Variants in PPARGC1B observed in about 807,000 individuals in gnomAD.
PPARGC1B encodes PPARG coactivator 1 beta.
PPARGC1B carries 34 observed loss-of-function variants against 101.6 expected under a neutral mutation model. The ratio of observed to expected loss-of-function variants is 0.33; its 90% CI spans 0.25 to 0.45. The LOEUF (loss-of-function observed/expected upper bound fraction) is 0.45. PPARGC1B is among the 20% of genes least tolerant of loss of function. The pLI is 1.00. For synonymous variants in PPARGC1B, 548 were observed against 539.3 expected (o/e 1.02, Z -0.22); for missense variants, 1,234 against 1,317.6 (o/e 0.94, Z 0.98).
chr5:149,842,207 A>G, intron 9 of PPARGC1B, 49 bp from the exon 10 acceptor site: 2 of 1,599,402 alleles, frequency 1.3e-6, no homozygotes. Context: ...GAGGGGCCCC[A>G]GGAAGCCAGG....
At chr5:149,816,060 A>G (rs1254582571) in intron 1 of PPARGC1B, among the ~76,000 whole-genome samples, 1 of 152,226 alleles carries the variant, frequency 6.6e-6, no homozygotes, top group Non-Finnish European at 1.5e-5. Flanking sequence ...CAGGACAAGA[A>G]GGCCTTAATT....
intron 1 of PPARGC1B, among the ~76,000 whole-genome samples, chr5:149,809,115 T>C (rs913793197): frequency 9.5e-5 from 8 of 84,158 alleles, no homozygotes; most frequent in Admixed American, 5.6e-4. Context: ...TATCTCCACC[T>C]TAGATAGATA....
intron 1 of PPARGC1B, among the ~76,000 whole-genome samples, chr5:149,775,237 TG>T (rs1756310788): frequency 6.6e-6 from 1 of 152,202 alleles, no homozygotes; most frequent in South Asian, 2.1e-4. Context: ...CACATTTTTC[TG>T]TGGATCTGGA....
chr5:149,771,989 C>G, intron 1 of PPARGC1B: 1 of 1,434,656 alleles, frequency 7.0e-7, no homozygotes, highest in Non-Finnish European at 9.2e-7. Context: ...GCTGTTATCC[C>G]AGACTTACAG....
At chr5:149,842,725 A>C (rs1759399935) in intron 10 of PPARGC1B, among the ~76,000 whole-genome samples, 2 of 152,228 alleles carry the variant, frequency 1.3e-5, no homozygotes, top group Non-Finnish European at 2.9e-5. Context: ...CAGAGCCAGA[A>C]CCGGAGCCCA....
chr5:149,824,609 T>C (rs781523264), intron 2 of PPARGC1B, among the ~76,000 whole-genome samples: 3 of 151,754 alleles, frequency 2.0e-5, no homozygotes, highest in Non-Finnish European at 4.4e-5. Flanking sequence ...ACCCCAAGAG[T>C]GGTCGCTGAG....
chr5:149,770,070 C>T (rs1561516421), intron 1 of PPARGC1B, among the ~76,000 whole-genome samples: 1 of 152,098 alleles, frequency 6.6e-6, no homozygotes, highest in Non-Finnish European at 1.5e-5. Flanking sequence ...TCCAGAGCCC[C>T]CTCACCTCTG....
At chr5:149,817,393 T>C (rs1758098187) in intron 1 of PPARGC1B, among the ~76,000 whole-genome samples, 1 of 152,146 alleles carries the variant, frequency 6.6e-6, no homozygotes, top group Non-Finnish European at 1.5e-5. Flanking sequence ...GGTTGAAGGA[T>C]TGCTTGAACT....
chr5:149,844,528 A>G (rs1286805988), intron 10 of PPARGC1B, among the ~76,000 whole-genome samples: 1 of 152,200 alleles, frequency 6.6e-6, no homozygotes, highest in African/African-American at 2.4e-5. Flanking sequence ...AATCTCAGCT[A>G]CTCAGGAGGC....
At chr5:149,797,790 G>T (rs181636887) in intron 1 of PPARGC1B, among the ~76,000 whole-genome samples, 1 of 152,032 alleles carries the variant, frequency 6.6e-6, no homozygotes, top group African/African-American at 2.4e-5. Context: ...GTGTGGTGGC[G>T]TGTGCCTGTA....
At chr5:149,804,370 T>C (rs542623036) in intron 1 of PPARGC1B, among the ~76,000 whole-genome samples, 1 of 152,326 alleles carries the variant, frequency 6.6e-6, no homozygotes, top group Non-Finnish European at 1.5e-5. Flanking sequence ...GGTTCCATGC[T>C]ATGCTTAAAA....
intron 1 of PPARGC1B, among the ~76,000 whole-genome samples, chr5:149,797,275 G>C (rs1757260531): frequency 6.6e-6 from 1 of 152,232 alleles, no homozygotes; most frequent in Non-Finnish European, 1.5e-5. Flanking sequence ...TCACGTTTAA[G>C]GGGTCTGTGA....
intron 1 of PPARGC1B, among the ~76,000 whole-genome samples, chr5:149,742,884 T>C (rs943840673): frequency 6.6e-6 from 1 of 152,078 alleles, no homozygotes; most frequent in Non-Finnish European, 1.5e-5. Context: ...GAGGCATCTT[T>C]GGTGTGGCTG....
chr5:149,834,131 A>C (rs528812836), intron 5 of PPARGC1B, among the ~76,000 whole-genome samples: 27 of 152,370 alleles, frequency 1.8e-4, no homozygotes, highest in Admixed American at 1.4e-3. Context: ...GCGTAAGGCT[A>C]TAAGTTCAGC....
intron 1 of PPARGC1B, among the ~76,000 whole-genome samples, chr5:149,801,624 G>T (rs1344489645): frequency 6.6e-6 from 1 of 152,108 alleles, no homozygotes; most frequent in Admixed American, 6.6e-5. Flanking sequence ...CTTTACCTGG[G>T]AGGAATCAGA....
At chr5:149,804,648 C>T (rs774046721) in intron 1 of PPARGC1B, among the ~76,000 whole-genome samples, 9 of 152,118 alleles carry the variant, frequency 5.9e-5, no homozygotes, top group South Asian at 2.1e-4. Flanking sequence ...CCAGCTGGGG[C>T]GACAGAGTGA....
At chr5:149,745,258 A>C (rs1016927877) in intron 1 of PPARGC1B, among the ~76,000 whole-genome samples, 1 of 152,136 alleles carries the variant, frequency 6.6e-6, no homozygotes, top group Non-Finnish European at 1.5e-5. Context: ...TCTGTGCTCT[A>C]GTTAGCCAGC....
intron 3 of PPARGC1B, among the ~76,000 whole-genome samples, 191 bp from the exon 4 acceptor site, chr5:149,830,576 C>T (rs986226002): frequency 2.6e-5 from 4 of 152,194 alleles, no homozygotes; most frequent in African/African-American, 7.2e-5. Flanking sequence ...TACGTGTGTT[C>T]GGGATTGTTA....
chr5:149,754,777 T>G (rs75453476), intron 1 of PPARGC1B, among the ~76,000 whole-genome samples: 3 of 66,060 alleles, frequency 4.5e-5, no homozygotes. Flanking sequence ...CATCCTGATT[T>G]TTTTTTTTTT....
Sources: allele counts gnomAD v4.1 joint callset (sites outside exome capture counted in the v4.1 genomes callset), GRCh38; gene constraint gnomAD v4.1.1; transcripts MANE v1.5; gene names NCBI Gene and HGNC (gene_info 2026-07-23, HGNC 2026-07-21).